The following PLEKHM3 variants were observed in gnomAD, a reference collection of about 807,000 sequenced individuals.
PLEKHM3 encodes pleckstrin homology domain containing M3.
A neutral mutation model predicts 81.8 loss-of-function variants in PLEKHM3; 45 were observed. The ratio of observed to expected loss-of-function variants is 0.55; its 90% CI spans 0.43 to 0.71. The LOEUF (loss-of-function observed/expected upper bound fraction) is 0.71. PLEKHM3 is among the 30% of genes least tolerant of loss of function. PLEKHM3 has a pLI of 0.00. For missense variants in PLEKHM3, 788 were observed against 924.3 expected (o/e 0.85, Z 1.91); for synonymous variants, 352 against 356.4 (o/e 0.99, Z 0.14).
chr2:208,012,318 T>C (rs1444029724), intron 1 of PLEKHM3, among the ~76,000 whole-genome samples: 1 of 152,192 alleles, frequency 6.6e-6, no homozygotes, highest in Non-Finnish European at 1.5e-5. Context: ...TAAATACTTG[T>C]AGTAACCTCA....
At chr2:207,923,506 C>T (rs2105925526) in intron 5 of PLEKHM3, among the ~76,000 whole-genome samples, 2 of 152,132 alleles carry the variant, frequency 1.3e-5, no homozygotes, top group South Asian at 2.1e-4. Context: ...ACTCGGGAGG[C>T]TGAGGCAGGA....
At chr2:207,951,829 AG>A (rs1448441785) in intron 3 of PLEKHM3, among the ~76,000 whole-genome samples, 1 of 152,198 alleles carries the variant, frequency 6.6e-6, no homozygotes, top group Non-Finnish European at 1.5e-5. Context: ...TGCGATCTTG[AG>A]GAAGAGCCAG....
At chr2:207,909,407 A>G (rs1278391021) in intron 5 of PLEKHM3, among the ~76,000 whole-genome samples, 4 of 152,234 alleles carry the variant, frequency 2.6e-5, no homozygotes, top group African/African-American at 4.8e-5. Context: ...ATTTGGTACT[A>G]TGCAATTTTC....
At chr2:207,968,080 A>G (rs1559261503) in intron 3 of PLEKHM3, among the ~76,000 whole-genome samples, 1 of 151,868 alleles carries the variant, frequency 6.6e-6, no homozygotes, top group Non-Finnish European at 1.5e-5. Flanking sequence ...ACCCAAGTTA[A>G]CAGAGATTGT....
intron 6 of PLEKHM3, among the ~76,000 whole-genome samples, chr2:207,884,705 C>T (rs192632178): frequency 6.6e-6 from 1 of 152,118 alleles, no homozygotes; most frequent in Non-Finnish European, 1.5e-5. Flanking sequence ...AATAGAAAAT[C>T]AGTTTCTCTT....
In PLEKHM3 at chr2:207,930,956, C is replaced by A; in HGVS notation, c.1856G>T (p.Arg619Leu). Residue 619 changes from arginine (R) to leucine (L), a missense_variant, in exon 5 of 8, where the codon CGG becomes CTG. By Grantham distance (102) the Arg-to-Leu change is moderately radical (BLOSUM62 -2). Coordinates refer to ENST00000427836, the MANE Select transcript of PLEKHM3 (RefSeq NM_001080475.3). ...GCGGAGATCCTCTGCCACCGCTGCC[C>A]GGCAGCTGAACAAATAGGCTCGGAG... is the stretch of plus-strand genomic sequence containing the variant. ...KSLRAYLFSC[R>L]AAVAEDLRRR... The A allele has an allele frequency of 1.9e-6, 3 of 1,613,378 alleles. No individual in the cohort carries two copies. Among genetic ancestry groups the A allele is most frequent in the Non-Finnish European group, 2.5e-6 (3 of 1,179,398 alleles).
rs2092255906 is a variant in PLEKHM3, at chr2:207,827,138, A to T, written c.*1181T>A. The T allele has an allele frequency of 6.6e-6, 1 of 152,008 alleles. No homozygotes were observed. The highest frequency in any genetic ancestry group is 2.1e-4 in the South Asian group (1 of 4,822). 9.4% of individuals were successfully genotyped at this position (152,008 alleles called of 1,614,324 possible). The stretch of plus-strand genomic sequence containing the variant: ...TAATATTAGATCTAATTCATTAATT[A>T]TACTTGTAAGTTTGTATTTTCTTAA... On this transcript the variant is annotated 3_prime_UTR_variant, in exon 8 of 8. Transcript: ENST00000427836.
chr2:207,904,029 A>G (rs1319061179), intron 6 of PLEKHM3, among the ~76,000 whole-genome samples: 1 of 152,236 alleles, frequency 6.6e-6, no homozygotes, highest in African/African-American at 2.4e-5. Flanking sequence ...CTTAAAAAGC[A>G]GTGCCTCAGT....
chr2:207,904,500 T>C (rs753619543), intron 6 of PLEKHM3, among the ~76,000 whole-genome samples: 6 of 152,216 alleles, frequency 3.9e-5, no homozygotes, highest in Non-Finnish European at 7.3e-5. Flanking sequence ...ACTTTTTCAA[T>C]GTGCAAGTCA....
At chr2:207,927,515 CAA>C (rs527604593) in intron 5 of PLEKHM3, among the ~76,000 whole-genome samples, 32 of 70,000 alleles carry the variant, frequency 4.6e-4, no homozygotes, top group East Asian at 1.9e-3. Context: ...GACTCTGTCT[CAA>C]AAAAAAAAAA....
Position 207,931,014 on chromosome 2 carries a change from C to A in PLEKHM3, c.1798G>T (p.Ala600Ser). 6.2e-7 allele frequency: 1 copy of A among 1,613,986 alleles called. No homozygotes were observed. Among genetic ancestry groups the A allele is most frequent in the Non-Finnish European group, 8.5e-7 (1 of 1,179,872 alleles). Residue 600 changes from alanine to serine, a missense_variant, in exon 5 of 8, where the codon GCC (alanine) becomes TCC (serine). Transcript: ENST00000427836. ...MLYHHAEPLA[A>S]VLRLRQRLKS... ...AGCCGCTGCCGCAGCCGCAGCACGG[C>A]GGCCAGCGGCTCTGCGTGGTGGTAC...
At chr2:207,901,382 C>T in intron 6 of PLEKHM3, 2 of 702,010 alleles carry the variant, frequency 2.8e-6, no homozygotes, top group Admixed American at 4.0e-5. Context: ...CTTTAACCCA[C>T]TCAGCTAACT....
At chr2:207,986,251 A>C (rs1691714822) in intron 2 of PLEKHM3, among the ~76,000 whole-genome samples, 1 of 152,314 alleles carries the variant, frequency 6.6e-6, no homozygotes, top group South Asian at 2.1e-4. Context: ...TTATAATAAG[A>C]TTAATCAATG....
At chr2:207,938,159 G>C (rs565922959) in intron 4 of PLEKHM3, among the ~76,000 whole-genome samples, 1 of 152,146 alleles carries the variant, frequency 6.6e-6, no homozygotes, top group African/African-American at 2.4e-5. Context: ...GAAGAGTTAG[G>C]GTTGTTTGAT....
intron 5 of PLEKHM3, among the ~76,000 whole-genome samples, chr2:207,909,088 G>A (rs1294560527): frequency 6.6e-6 from 1 of 151,334 alleles, no homozygotes; most frequent in Admixed American, 6.5e-5. Flanking sequence ...CATTAATGAG[G>A]AGGAGTGATA....
intron 7 of PLEKHM3, among the ~76,000 whole-genome samples, chr2:207,833,067 G>A (rs777985454): frequency 1.5e-5 from 2 of 135,592 alleles, no homozygotes; most frequent in Non-Finnish European, 3.0e-5. Context: ...AGCTGATATT[G>A]TACCATTGCA....
chr2:207,990,241 CAGTA>C (rs1191527466), intron 2 of PLEKHM3, among the ~76,000 whole-genome samples: 3 of 152,280 alleles, frequency 2.0e-5, no homozygotes, highest in East Asian at 3.9e-4. Context: ...AAATATATCA[CAGTA>C]AGTCTATTCA....
chr2:207,888,045 C>T (rs1250973135), intron 6 of PLEKHM3, among the ~76,000 whole-genome samples: 1 of 152,022 alleles, frequency 6.6e-6, no homozygotes, highest in Non-Finnish European at 1.5e-5. Context: ...CAGTTTCTTC[C>T]ATCTCTGCAA....
At chr2:207,981,840 G>C (rs1281769108) in intron 2 of PLEKHM3, among the ~76,000 whole-genome samples, 5 of 152,030 alleles carry the variant, frequency 3.3e-5, no homozygotes, top group Non-Finnish European at 7.4e-5. Flanking sequence ...TGACTAATTT[G>C]ATAAATGAAT....
Sources: gnomAD v4.1 joint callset for allele counts (sites outside exome capture counted in the v4.1 genomes callset) on GRCh38, gnomAD v4.1.1 for gene constraint, MANE v1.5 for transcripts, NCBI Gene and HGNC (gene_info 2026-07-23, HGNC 2026-07-21) for gene names.